DCC: variants seen among roughly 807,000 people sequenced by gnomAD.
DCC encodes the protein netrin receptor DCC.
DCC carries 58 observed loss-of-function variants against 172.5 expected under a neutral mutation model. The observed-to-expected ratio is 0.34, with a 90% CI of 0.27 to 0.42. The LOEUF (loss-of-function observed/expected upper bound fraction) is 0.42, where lower values mean the gene tolerates loss of function less well. Ranked by LOEUF, DCC falls within the 10% of genes least tolerant of loss-of-function variation. DCC has a pLI of 1.00. For synonymous variants in DCC, 709 were observed against 644.5 expected (o/e 1.10, Z -1.52); for missense variants, 1,740 against 1,791.0 (o/e 0.97, Z 0.51).
chr18:53,500,035 A>G (rs2046077188), intron 27 of DCC, among the ~76,000 whole-genome samples: 1 of 152,224 alleles, frequency 6.6e-6, no homozygotes, highest in Admixed American at 6.5e-5. Flanking sequence ...ATTAATTTTA[A>G]AAATGAAGAA....
At position 52,416,651 on chromosome 18, in the gene DCC, C is replaced by A. The variant is rs2144418210; in HGVS notation, c.91+75773C>A. Among the ~76,000 whole-genome samples, 2 of 151,594 alleles carry A rather than the reference C, an allele frequency of 1.3e-5. 1 individual carries two copies. The highest frequency in any genetic ancestry group is 6.8e-3 in the Middle Eastern group (2 of 294). On this transcript the variant is annotated intron_variant, in intron 1 of 28. Coordinates refer to ENST00000442544, the MANE Select transcript of DCC (RefSeq NM_005215.4). ...AATGGCCTTCTTTGTCTCTTTTGAT[C>A]TTTGTTGGTTTAAAGTCTGTTTTAT...
intron 1 of DCC, among the ~76,000 whole-genome samples, chr18:52,700,526 G>A (rs1205809357): frequency 6.6e-6 from 1 of 152,120 alleles, no homozygotes; most frequent in Non-Finnish European, 1.5e-5. Context: ...GCCCCCCACA[G>A]GCTCCTTTTC....
intron 1 of DCC, among the ~76,000 whole-genome samples, chr18:52,460,064 C>T (rs192240827): frequency 7.9e-5 from 12 of 152,126 alleles, no homozygotes; most frequent in African/African-American, 2.2e-4. Flanking sequence ...TCATTCTTAT[C>T]AACACACAGC....
At chr18:53,002,197 G>C (rs1031760272) in intron 5 of DCC, among the ~76,000 whole-genome samples, 2 of 152,032 alleles carry the variant, frequency 1.3e-5, no homozygotes, top group African/African-American at 4.8e-5. Flanking sequence ...GTGAAATACA[G>C]CAAAAAGTTT....
intron 1 of DCC, among the ~76,000 whole-genome samples, chr18:52,700,659 A>G (rs1159702450): frequency 6.6e-6 from 1 of 152,194 alleles, no homozygotes; most frequent in Admixed American, 6.5e-5. Context: ...TTCAATTGCC[A>G]CTTGTACTCA....
intron 1 of DCC, among the ~76,000 whole-genome samples, chr18:52,593,183 T>A (rs2033837195): frequency 6.6e-6 from 1 of 152,214 alleles, no homozygotes; most frequent in South Asian, 2.1e-4. Flanking sequence ...TTTTTGAAGC[T>A]GAAAAGTTGG....
At chr18:53,135,429 C>G (rs904191693) in intron 7 of DCC, among the ~76,000 whole-genome samples, 1 of 152,102 alleles carries the variant, frequency 6.6e-6, no homozygotes, top group Non-Finnish European at 1.5e-5. Flanking sequence ...ATATTTTATG[C>G]AGGAAAGGCA....
chr18:52,525,033 A>T (rs1023536689), intron 1 of DCC, among the ~76,000 whole-genome samples: 1 of 152,118 alleles, frequency 6.6e-6, no homozygotes, highest in Non-Finnish European at 1.5e-5. Flanking sequence ...AATAAACATG[A>T]TAATGCTCTG....
At chr18:53,441,324 C>T (rs1297325156) in intron 22 of DCC, among the ~76,000 whole-genome samples, 3 of 152,088 alleles carry the variant, frequency 2.0e-5, no homozygotes, top group African/African-American at 4.8e-5. Flanking sequence ...TTAACCTTGA[C>T]AGTGCTTCTC....
At chr18:52,999,394 A>C (rs1164602438) in intron 5 of DCC, among the ~76,000 whole-genome samples, 2 of 152,032 alleles carry the variant, frequency 1.3e-5, no homozygotes, top group African/African-American at 2.4e-5. Flanking sequence ...TTGGGATAGA[A>C]TATTTTACTT....
intron 1 of DCC, among the ~76,000 whole-genome samples, chr18:52,597,561 A>G (rs1210341378): frequency 2.0e-5 from 3 of 152,228 alleles, no homozygotes; most frequent in Non-Finnish European, 2.9e-5. Context: ...CTGGTCTAGA[A>G]TTTAAGGCGA....
chr18:53,291,392 T>C (rs1470499559), intron 12 of DCC, among the ~76,000 whole-genome samples: 1 of 152,164 alleles, frequency 6.6e-6, no homozygotes, highest in Non-Finnish European at 1.5e-5. Flanking sequence ...CGTTTTTATA[T>C]GGCATGAATC....
At chr18:53,450,176 T>G (rs1247416386) in intron 22 of DCC, among the ~76,000 whole-genome samples, 1 of 151,250 alleles carries the variant, frequency 6.6e-6, no homozygotes. Flanking sequence ...TATGCATACA[T>G]ACATACACAC....
chr18:53,042,084 G>C (rs1337757801), intron 5 of DCC, among the ~76,000 whole-genome samples: 1 of 151,976 alleles, frequency 6.6e-6, no homozygotes, highest in Non-Finnish European at 1.5e-5. Flanking sequence ...TCTTGTGCTG[G>C]TTTTCAAAGA....
chr18:53,305,220 C>T (rs1401778762), intron 12 of DCC, among the ~76,000 whole-genome samples: 1 of 147,578 alleles, frequency 6.8e-6, no homozygotes, highest in African/African-American at 2.4e-5. Context: ...TCCACTATAG[C>T]TCCCTCCGAT....
intron 3 of DCC, among the ~76,000 whole-genome samples, chr18:52,914,076 A>G (rs1175071670): frequency 6.6e-6 from 1 of 152,126 alleles, no homozygotes; most frequent in African/African-American, 2.4e-5. Flanking sequence ...GCTTTTCTGG[A>G]AAGTTTTTAA....
At chr18:52,953,017 A>C (rs906814309) in intron 5 of DCC, among the ~76,000 whole-genome samples, 1 of 150,804 alleles carries the variant, frequency 6.6e-6, no homozygotes, top group Non-Finnish European at 1.5e-5. Flanking sequence ...AAAAAAAAAA[A>C]AAAAAAAAAA....
intron 13 of DCC, among the ~76,000 whole-genome samples, chr18:53,309,919 CGTGTAT>C (rs1380810015): frequency 1.0e-4 from 10 of 99,510 alleles, no homozygotes; most frequent in African/African-American, 3.0e-4. Flanking sequence ...CATATATGTG[CGTGTAT>C]ATATATATAT....
chr18:53,389,601 G>A (rs537859701), intron 16 of DCC, among the ~76,000 whole-genome samples: 1 of 152,276 alleles, frequency 6.6e-6, no homozygotes, highest in African/African-American at 2.4e-5. Context: ...GTGTCAAGAA[G>A]GATGACAAGC....
Sources: gnomAD v4.1 joint callset for allele counts (sites outside exome capture counted in the v4.1 genomes callset) on GRCh38, gnomAD v4.1.1 for gene constraint, MANE v1.5 for transcripts, NCBI Gene and HGNC (gene_info 2026-07-23, HGNC 2026-07-21) for gene names.